Variants in GRIA4 observed in about 807,000 individuals in gnomAD.
The protein encoded by GRIA4 is glutamate ionotropic receptor AMPA type subunit 4.
In GRIA4, 34 loss-of-function variants were observed where a neutral mutation model predicts 104.0. That is an observed-to-expected ratio of 0.33 (90% confidence interval 0.25 to 0.44). GRIA4 has a LOEUF of 0.44. GRIA4 is among the 20% of genes least tolerant of loss of function. The probability of loss-of-function intolerance (pLI) is 1.00; values close to 1 mark genes in which losing one functional copy is unlikely to be tolerated. For missense variants in GRIA4, 750 were observed against 1,096.5 expected (o/e 0.68, Z 4.46); for synonymous variants, 386 against 381.9 (o/e 1.01, Z -0.13).
At chr11:105,815,281 A>G (rs1307583723) in intron 4 of GRIA4, among the ~76,000 whole-genome samples, 1 of 152,210 alleles carries the variant, frequency 6.6e-6, no homozygotes, top group Non-Finnish European at 1.5e-5. Context: ...ATTTAAGATC[A>G]GTTCTGGAAG....
At chr11:105,776,114 G>A (rs1941438830) in intron 4 of GRIA4, among the ~76,000 whole-genome samples, 3 of 151,740 alleles carry the variant, frequency 2.0e-5, no homozygotes, top group African/African-American at 2.4e-5. Context: ...TTCCCATTTC[G>A]AAGATAAAGA....
At chr11:105,854,492 T>TA (rs1944939890) in intron 4 of GRIA4, among the ~76,000 whole-genome samples, 1 of 152,090 alleles carries the variant, frequency 6.6e-6, no homozygotes, top group Non-Finnish European at 1.5e-5. Flanking sequence ...TTTGGACCTG[T>TA]AAGTGGTATG....
rs531938851 is a variant in GRIA4 at position 105,858,075 on chromosome 11, G to T, written c.488-3949G>T. Reference sequence around the variant, plus strand: ...AACATAATTGATAAAATCTTTATGTGATATCATAACACTTAAAAATATTTT... The same window carrying T: ...AACATAATTGATAAAATCTTTATGTTATATCATAACACTTAAAAATATTTT... On this transcript the variant is annotated intron_variant, in intron 4 of 16. Coordinates refer to ENST00000282499, the MANE Select transcript of GRIA4 (RefSeq NM_000829.4). Among the ~76,000 whole-genome samples, 22 of 152,084 alleles carry T rather than the reference G, an allele frequency of 1.4e-4. 1 individual carries two copies. In the South Asian group the frequency reaches 4.4e-3, roughly 30 times the overall value.
chr11:105,772,198 C>T (rs985586189), intron 4 of GRIA4, among the ~76,000 whole-genome samples: 3 of 152,260 alleles, frequency 2.0e-5, no homozygotes, highest in Non-Finnish European at 2.9e-5. Context: ...AGATTATTCA[C>T]GATTCTCCAT....
At chr11:105,678,607 G>A (rs572106842) in intron 3 of GRIA4, among the ~76,000 whole-genome samples, 1 of 152,116 alleles carries the variant, frequency 6.6e-6, no homozygotes, top group East Asian at 1.9e-4. Context: ...TAGGTTCTAT[G>A]TCTAACCTTC....
chr11:105,671,901 T>C (rs988089103), intron 3 of GRIA4, among the ~76,000 whole-genome samples: 1 of 152,026 alleles, frequency 6.6e-6, no homozygotes, highest in African/African-American at 2.4e-5. Context: ...AAGCTTTTGA[T>C]AGGGCTTATA....
At chr11:105,659,155 T>A (rs188839669) in intron 3 of GRIA4, among the ~76,000 whole-genome samples, 1 of 152,082 alleles carries the variant, frequency 6.6e-6, no homozygotes, top group East Asian at 1.9e-4. Context: ...CCATCATCCA[T>A]GTGGTAGCTG....
At chr11:105,634,513 G>GAAAGAA (rs766783212) in intron 3 of GRIA4, among the ~76,000 whole-genome samples, 2 of 69,364 alleles carry the variant, frequency 2.9e-5, no homozygotes, top group African/African-American at 8.8e-5. Flanking sequence ...AAGAAAGAAA[G>GAAAGAA]AAGAAAGAAA....
At chr11:105,739,165 G>A (rs534000225) in intron 3 of GRIA4, among the ~76,000 whole-genome samples, 12 of 152,178 alleles carry the variant, frequency 7.9e-5, no homozygotes, top group South Asian at 6.2e-4. Context: ...CTTGCTCCTC[G>A]TGCTGAGTAT....
intron 3 of GRIA4, among the ~76,000 whole-genome samples, chr11:105,657,877 G>A (rs927394964): frequency 2.0e-5 from 3 of 151,682 alleles, no homozygotes; most frequent in Non-Finnish European, 2.9e-5. Flanking sequence ...TTCTTTAAAG[G>A]AGGTATATGG....
rs192190397 is a variant in GRIA4 at position 105,814,073 on chromosome 11, A to G, written c.488-47951A>G. ...CAAGTGCAAATGTGCTGAACCAAAA[A>G]AGAACTTGATGTGTTGCAAAATGAG... On this transcript the variant is annotated intron_variant, in intron 4 of 16. Coordinates refer to ENST00000282499, the MANE Select transcript of GRIA4 (RefSeq NM_000829.4). Among the ~76,000 whole-genome samples the G allele has an allele frequency of 1.8e-4, 27 of 152,286 alleles. No homozygotes were observed. In the East Asian group the frequency reaches 4.8e-3, roughly 27 times the overall value.
chr11:105,932,734 T>C (rs1222809129), intron 13 of GRIA4, among the ~76,000 whole-genome samples: 1 of 152,140 alleles, frequency 6.6e-6, no homozygotes, highest in Non-Finnish European at 1.5e-5. Context: ...GTTCAATATA[T>C]GTTCTATTTG....
At chr11:105,815,313 C>A (rs1175100699) in intron 4 of GRIA4, among the ~76,000 whole-genome samples, 1 of 152,134 alleles carries the variant, frequency 6.6e-6, no homozygotes, top group African/African-American at 2.4e-5. Context: ...ATTTGGGGCA[C>A]AAATTTGCTG....
At chr11:105,629,783 G>A (rs1044169883) in intron 3 of GRIA4, among the ~76,000 whole-genome samples, 12 of 152,212 alleles carry the variant, frequency 7.9e-5, no homozygotes, top group African/African-American at 2.4e-4. Context: ...CTTTATCAGC[G>A]TTTGTTGTCT....
intron 3 of GRIA4, among the ~76,000 whole-genome samples, chr11:105,743,469 T>C (rs1194564010): frequency 5.9e-5 from 9 of 152,232 alleles, no homozygotes; most frequent in African/African-American, 2.2e-4. Flanking sequence ...TAATATCTGC[T>C]ATTATTTTTG....
At chr11:105,829,940 A>G (rs966346000) in intron 4 of GRIA4, among the ~76,000 whole-genome samples, 4 of 152,004 alleles carry the variant, frequency 2.6e-5, no homozygotes, top group Non-Finnish European at 4.4e-5. Context: ...AAGCCTGCAG[A>G]AAATTATTTT....
rs68081839 is a variant in GRIA4 at position 105,762,026 on chromosome 11, A to ATT, written c.487+8820_487+8821dup. ...CCGAAGAATCTTTTGAGAAGTCTTA[A>ATT]TTTTTTTTTTTTTTTGAGACGGAGT... On this transcript the variant is annotated intron_variant, in intron 4 of 16. Coordinates refer to ENST00000282499, the MANE Select transcript of GRIA4 (RefSeq NM_000829.4). Among the ~76,000 whole-genome samples the ATT allele has an allele frequency of 3.7e-3, 539 of 147,122 alleles. 2 individuals are homozygous for ATT. Among genetic ancestry groups the ATT allele is most frequent in the Middle Eastern group, 7.1e-3 (2 of 280 alleles).
intron 3 of GRIA4, among the ~76,000 whole-genome samples, chr11:105,703,759 T>C: frequency 6.6e-6 from 1 of 152,178 alleles, no homozygotes; most frequent in East Asian, 1.9e-4. Context: ...GTCAAACCTA[T>C]GACCTTGTAC....
chr11:105,615,794 T>C (rs1294221088), intron 3 of GRIA4, among the ~76,000 whole-genome samples: 1 of 151,814 alleles, frequency 6.6e-6, no homozygotes, highest in African/African-American at 2.4e-5. Flanking sequence ...ATTTTTTCAA[T>C]AGTTAATGGA....
Sources: allele counts gnomAD v4.1 joint callset (sites outside exome capture counted in the v4.1 genomes callset), GRCh38; gene constraint gnomAD v4.1.1; transcripts MANE v1.5; gene names NCBI Gene and HGNC (gene_info 2026-07-23, HGNC 2026-07-21).